SELENOT: variants seen among roughly 807,000 people sequenced by gnomAD.
SELENOT encodes selenoprotein T.
Under a neutral mutation model 24.3 loss-of-function variants are expected in SELENOT, and 9 were observed. That is an observed-to-expected ratio of 0.37 (90% CI 0.22 to 0.65). SELENOT has a LOEUF of 0.65. SELENOT is among the 30% of genes least tolerant of loss of function. SELENOT has a pLI of 0.60. For synonymous variants in SELENOT, 81 were observed against 86.0 expected (o/e 0.94, Z 0.32); for missense variants, 166 against 247.6 (o/e 0.67, Z 2.21).
At chr3:150,605,595 A>T (rs1424421865) in intron 1 of SELENOT, among the ~76,000 whole-genome samples, 2 of 152,134 alleles carry the variant, frequency 1.3e-5, no homozygotes, top group African/African-American at 4.8e-5. Flanking sequence ...CATTTAAAAA[A>T]TTATTTTTAT....
intron 1 of SELENOT, among the ~76,000 whole-genome samples, chr3:150,621,671 A>G (rs1726347834): frequency 1.8e-5 from 2 of 112,772 alleles, no homozygotes; most frequent in Non-Finnish European, 3.3e-5. Context: ...TGAGTTGCTT[A>G]GAGACTTTAG....
In SELENOT at chr3:150,630,318, G is replaced by A. The variant is rs1319685380; in HGVS notation, c.*2689G>A. On this transcript the variant is annotated 3_prime_UTR_variant, in exon 6 of 6. Coordinates refer to ENST00000471696, the MANE Select transcript of SELENOT (RefSeq NM_016275.5). ...TAGCTTACAGGATTTTAAACATGGT[G>A]TGGTATTCTAAAGCCTTTTTTTTAA... is the stretch of plus-strand genomic sequence containing the variant. 1 of 152,094 alleles carries A rather than the reference G, an allele frequency of 6.6e-6. No individual in the cohort carries two copies. Among genetic ancestry groups the A allele is most frequent in the East Asian group, 1.9e-4 (1 of 5,196 alleles). The allele number at this position is 152,094 out of a possible 1,614,324, so 9.4% of individuals were successfully genotyped here. A position where few individuals can be genotyped will look rare whatever the true frequency, so the allele number is the denominator to read the frequency against.
chr3:150,604,862 C>A (rs1443066501), intron 1 of SELENOT, among the ~76,000 whole-genome samples: 1 of 152,002 alleles, frequency 6.6e-6, no homozygotes, highest in African/African-American at 2.4e-5. Flanking sequence ...ATGGAGAAAC[C>A]CCCATCTCTA....
At chr3:150,615,967 A>T (rs1726202758) in intron 1 of SELENOT, among the ~76,000 whole-genome samples, 1 of 151,986 alleles carries the variant, frequency 6.6e-6, no homozygotes, top group African/African-American at 2.4e-5. Context: ...AGGCTACAGT[A>T]ACCAAAACAG....
intron 3 of SELENOT, among the ~76,000 whole-genome samples, chr3:150,623,675 T>C (rs796165548): frequency 2.0e-5 from 3 of 152,144 alleles, no homozygotes; most frequent in Non-Finnish European, 4.4e-5. Context: ...ACAATGTAAA[T>C]ATACTTAAGA....
intron 1 of SELENOT, chr3:150,618,787 G>A (rs1379629665): frequency 1.3e-5 from 2 of 152,562 alleles, no homozygotes; most frequent in East Asian, 3.9e-4. Context: ...GCCTCCCAAA[G>A]TGCTGGGATT....
Position 150,604,179 on chromosome 3 carries a change from C to T in SELENOT, c.137+680C>T, listed in dbSNP as rs537642600. On this transcript the variant is annotated intron_variant, in intron 1 of 5. Transcript: ENST00000471696. ...ACAGTTCGCTCGCATTCCCTCCTCA[C>T]CTGCCTCCCAGGAGTTGCCTGCTCT... Among the ~76,000 whole-genome samples, 5 of 152,346 alleles carry T rather than the reference C, an allele frequency of 3.3e-5. No individual in the cohort carries two copies. The South Asian group carries it at 1.0e-3, about 32-fold the overall frequency.
intron 1 of SELENOT, among the ~76,000 whole-genome samples, chr3:150,605,280 C>G (rs544803219): frequency 1.3e-5 from 2 of 152,142 alleles, no homozygotes; most frequent in African/African-American, 4.8e-5. Context: ...ACTTTTATCT[C>G]TTGGTTGTAT....
intron 1 of SELENOT, among the ~76,000 whole-genome samples, chr3:150,620,698 A>G (rs946120633): frequency 6.6e-6 from 1 of 152,214 alleles, no homozygotes; most frequent in Non-Finnish European, 1.5e-5. Flanking sequence ...ACTGCATTAA[A>G]AGTTAGAAAG....
Position 150,603,353 on chromosome 3 carries a change from C to A in SELENOT, c.-10C>A, listed in dbSNP as rs370159850. 1.9e-6 allele frequency: 3 copies of A among 1,606,414 alleles called. No homozygotes were observed. The highest frequency in any genetic ancestry group is 2.6e-6 in the Non-Finnish European group (3 of 1,175,594). On this transcript the variant is annotated 5_prime_UTR_variant, in exon 1 of 6. Transcript: ENST00000471696. ...GTCTGAGGGCGGCCGAAGTGGCTGG[C>A]TCATTTAAGATGAGGCTTCTGCTGC...
intron 1 of SELENOT, among the ~76,000 whole-genome samples, chr3:150,608,721 T>A (rs1446695682): frequency 6.7e-6 from 1 of 149,584 alleles, no homozygotes; most frequent in Non-Finnish European, 1.5e-5. Flanking sequence ...TAGTAGAGTG[T>A]TACCATTAAA....
intron 1 of SELENOT, among the ~76,000 whole-genome samples, chr3:150,609,067 GT>G (rs957210178): frequency 1.3e-5 from 2 of 152,124 alleles, no homozygotes; most frequent in Admixed American, 6.6e-5. Context: ...TCCTTGTTTT[GT>G]TCCAGTTCTT....
At position 150,623,186 on chromosome 3, in the gene SELENOT, C is replaced by G; in HGVS notation, c.375+17C>G. On this transcript the variant is annotated intron_variant, in intron 3 of 5. Coordinates refer to ENST00000471696, the MANE Select transcript of SELENOT (RefSeq NM_016275.5). ...GAAAATAAGGTATGTAACTTAATAG[C>G]TTTGGTAACTGTAGGTTTTTATGTT... 1 of 1,569,346 alleles carries G rather than the reference C, an allele frequency of 6.4e-7. No homozygotes were observed. The highest frequency in any genetic ancestry group is 8.6e-7 in the Non-Finnish European group (1 of 1,160,372).
chr3:150,615,988 G>A (rs1466823281), intron 1 of SELENOT, among the ~76,000 whole-genome samples: 1 of 151,906 alleles, frequency 6.6e-6, no homozygotes, highest in Non-Finnish European at 1.5e-5. Flanking sequence ...CATGGTACTG[G>A]TACCAAAACA....
intron 1 of SELENOT, among the ~76,000 whole-genome samples, chr3:150,613,665 CTTTTTTTTTTTT>C (rs531822237): frequency 5.3e-4 from 42 of 78,916 alleles, no homozygotes; most frequent in African/African-American, 1.7e-3. Context: ...AAGATGGGAA[CTTTTTTTTTTTT>C]TTTTTTTTTT....
chr3:150,611,390 G>A (rs1726088890), intron 1 of SELENOT: 1 of 1,232,072 alleles, frequency 8.1e-7, no homozygotes, highest in African/African-American at 1.5e-5. Context: ...ATCTCAACAA[G>A]TTGTGCTTTA....
At chr3:150,605,005 C>G (rs1725927148) in intron 1 of SELENOT, among the ~76,000 whole-genome samples, 1 of 149,792 alleles carries the variant, frequency 6.7e-6, no homozygotes, top group South Asian at 2.1e-4. Context: ...CCATTGCACT[C>G]CAGCCTGGGC....
At chr3:150,611,710 C>T in intron 1 of SELENOT, 2 of 1,593,876 alleles carry the variant, frequency 1.3e-6, no homozygotes, top group Non-Finnish European at 1.7e-6. Context: ...CCATCCTCCG[C>T]AGGCAGCACA....
chr3:150,613,092 TTGGTGTTGC>T (rs1482352826), intron 1 of SELENOT, among the ~76,000 whole-genome samples: 19 of 152,200 alleles, frequency 1.2e-4, no homozygotes, highest in Non-Finnish European at 2.2e-4. Context: ...CTGTCATAGT[TTGGTGTTGC>T]TATAATAGAA....
Sources: allele counts gnomAD v4.1 joint callset (sites outside exome capture counted in the v4.1 genomes callset), GRCh38; gene constraint gnomAD v4.1.1; transcripts MANE v1.5; gene names NCBI Gene and HGNC (gene_info 2026-07-23, HGNC 2026-07-21).